The following MME variants were observed in gnomAD, a reference collection of about 807,000 sequenced individuals.
MME encodes neprilysin.
Under a neutral mutation model 113.2 loss-of-function variants are expected in MME, and 98 were observed. That is an observed-to-expected ratio of 0.87 (90% CI 0.74 to 1.02). The LOEUF is 1.02. Ranked by LOEUF, MME falls within the 50% of genes least tolerant of loss-of-function variation. The probability of loss-of-function intolerance (pLI) is 0.00; values close to 1 mark genes in which losing one functional copy is unlikely to be tolerated. For missense variants in MME, 836 were observed against 896.0 expected (o/e 0.93, Z 0.86); for synonymous variants, 292 against 300.6 (o/e 0.97, Z 0.30).
At chr3:155,101,147 A>G (rs780783620) in intron 3 of MME, among the ~76,000 whole-genome samples, 2 of 152,058 alleles carry the variant, frequency 1.3e-5, no homozygotes, top group Admixed American at 6.6e-5. Flanking sequence ...ACGTTCTCTC[A>G]TAAGTAAAAG....
intron 1 of MME, among the ~76,000 whole-genome samples, chr3:155,036,055 A>G (rs951975375): frequency 1.3e-5 from 2 of 152,162 alleles, no homozygotes; most frequent in African/African-American, 4.8e-5. Flanking sequence ...AATATTTTGA[A>G]GGTAAAGCAG....
intron 14 of MME, among the ~76,000 whole-genome samples, chr3:155,145,148 C>G (rs1721406601): frequency 6.6e-6 from 1 of 152,148 alleles, no homozygotes; most frequent in South Asian, 2.1e-4. Flanking sequence ...AGGCCTAGAA[C>G]CTCTGCCCCC....
intron 1 of MME, among the ~76,000 whole-genome samples, chr3:155,030,352 T>A (rs751417110): frequency 1.3e-5 from 2 of 150,338 alleles, no homozygotes; most frequent in Non-Finnish European, 3.0e-5. Context: ...TCCCAGAAAG[T>A]CATATTTTGG....
At position 155,138,087 on chromosome 3, in the gene MME, A is replaced by AT. The variant is rs779557823; in HGVS notation, c.721-8dup. Reference sequence around the variant, plus strand: ...AGAGCTACTCCAACAGTTTAGTGCTATTTTTTTCTTGCAGGCTTGTACAGC... The same window carrying AT: ...AGAGCTACTCCAACAGTTTAGTGCTATTTTTTTTCTTGCAGGCTTGTACAGC... On this transcript the variant is annotated splice_polypyrimidine_tract_variant and intron_variant, in intron 8 of 22. Coordinates refer to ENST00000360490, the MANE Select transcript of MME (RefSeq NM_007289.4). 19 of 1,613,320 alleles carry AT rather than the reference A, an allele frequency of 1.2e-5. No homozygotes were observed. Among genetic ancestry groups the AT allele is most frequent in the South Asian group, 4.4e-5 (4 of 91,066 alleles).
At chr3:155,031,878 C>T (rs1208633629) in intron 1 of MME, among the ~76,000 whole-genome samples, 1 of 152,192 alleles carries the variant, frequency 6.6e-6, no homozygotes, top group African/African-American at 2.4e-5. Context: ...AGGCCGGTCT[C>T]GAATTCCTGA....
At chr3:155,127,004 T>A in intron 8 of MME, among the ~76,000 whole-genome samples, 1 of 128,402 alleles carries the variant, frequency 7.8e-6, no homozygotes, top group South Asian at 2.7e-4. Flanking sequence ...CGAAACTCCA[T>A]CTCAAAAAAA....
intron 3 of MME, among the ~76,000 whole-genome samples, chr3:155,093,141 C>T (rs1412438250): frequency 6.6e-6 from 1 of 151,118 alleles, no homozygotes; most frequent in Non-Finnish European, 1.5e-5. Flanking sequence ...ATGTTTTGAT[C>T]TTATGCTTGC....
intron 1 of MME, among the ~76,000 whole-genome samples, chr3:155,047,124 T>C (rs1417616776): frequency 3.3e-5 from 5 of 152,188 alleles, no homozygotes; most frequent in Non-Finnish European, 7.3e-5. Context: ...CCTAGAGAAA[T>C]TTTCAGTTCT....
At chr3:155,178,926 T>C (rs1018921162) in intron 22 of MME, among the ~76,000 whole-genome samples, 1 of 152,172 alleles carries the variant, frequency 6.6e-6, no homozygotes, top group African/African-American at 2.4e-5. Flanking sequence ...AACTCAAGGA[T>C]ACAAAGGCTG....
chr3:155,077,663 C>T (rs1431042348), upstream of MME, among the ~76,000 whole-genome samples: 1 of 151,922 alleles, frequency 6.6e-6, no homozygotes, highest in African/African-American at 2.4e-5. Flanking sequence ...ATTGCTTGAG[C>T]CCAGAGTTAG....
intron 1 of MME, among the ~76,000 whole-genome samples, chr3:155,033,953 A>G (rs1042605395): frequency 3.9e-5 from 6 of 152,150 alleles, no homozygotes; most frequent in Admixed American, 1.3e-4. Flanking sequence ...CATTCCTTAA[A>G]CCTAAGATAC....
chr3:155,158,518 A>G (rs140441529), intron 16 of MME: 2 of 152,228 alleles, frequency 1.3e-5, no homozygotes, highest in Non-Finnish European at 2.9e-5. Context: ...TTCTTGCCAG[A>G]CAGCTTGGAA....
At chr3:155,119,044 T>C (rs1254314887) in intron 8 of MME, among the ~76,000 whole-genome samples, 5 of 152,270 alleles carry the variant, frequency 3.3e-5, no homozygotes, top group South Asian at 2.1e-4. Flanking sequence ...ATTTGTATCT[T>C]GGTTTTTAGT....
At chr3:155,158,781 A>G (rs1001462778) in intron 16 of MME, 2 of 152,058 alleles carry the variant, frequency 1.3e-5, no homozygotes, top group African/African-American at 4.8e-5. Context: ...AATAAATAAA[A>G]TTATATTGTT....
chr3:155,093,869 A>G (rs1299834513), intron 3 of MME, among the ~76,000 whole-genome samples: 1 of 151,766 alleles, frequency 6.6e-6, no homozygotes, highest in Non-Finnish European at 1.5e-5. Context: ...AAAAAAAAAA[A>G]AGATTGAAAA....
chr3:155,126,477 A>G (rs1000362460), intron 8 of MME, among the ~76,000 whole-genome samples: 4 of 152,036 alleles, frequency 2.6e-5, no homozygotes, highest in African/African-American at 9.7e-5. Context: ...ATAATCTCAA[A>G]CAGGTCACAA....
At chr3:155,141,761 T>C (rs981250556) in intron 10 of MME, among the ~76,000 whole-genome samples, 4 of 152,192 alleles carry the variant, frequency 2.6e-5, no homozygotes, top group Non-Finnish European at 5.9e-5. Flanking sequence ...TTTCTAGGTA[T>C]ATGTTCCTTA....
At chr3:155,031,841 T>C (rs1332106099) in intron 1 of MME, among the ~76,000 whole-genome samples, 3 of 152,196 alleles carry the variant, frequency 2.0e-5, no homozygotes, top group Non-Finnish European at 4.4e-5. Context: ...GTATTTTTAG[T>C]AGAGACGGGA....
At chr3:155,072,449 G>T (rs1714611263) in intron 1 of MME, among the ~76,000 whole-genome samples, 1 of 152,082 alleles carries the variant, frequency 6.6e-6, no homozygotes, top group Non-Finnish European at 1.5e-5. Context: ...TGTTTTCTTT[G>T]TATCTATAAT....
Sources: allele counts gnomAD v4.1 joint callset (sites outside exome capture counted in the v4.1 genomes callset), GRCh38; gene constraint gnomAD v4.1.1; transcripts MANE v1.5; gene names NCBI Gene and HGNC (gene_info 2026-07-23, HGNC 2026-07-21).